The following SSR4 variants were observed in gnomAD, a reference collection of about 807,000 sequenced individuals.
SSR4 encodes the protein signal sequence receptor subunit 4.
For synonymous variants in SSR4, 84 were observed against 65.6 expected (o/e 1.28, Z -1.35); for missense variants, 125 against 148.8 (o/e 0.84, Z 0.83).
intron 2 of SSR4, chrX:153,797,231 G>C (rs1360997825): frequency 4.7e-6 from 2 of 426,870 alleles, no homozygotes; most frequent in Non-Finnish European, 8.2e-6. Context: ...TATGCGTCCA[G>C]TTAGGCCCGG....
At position 153,796,468 on chromosome X, in the gene SSR4, C is replaced by T. The variant is rs781973493; in HGVS notation, c.102C>T (p.Ser34=). The T allele has an allele frequency of 5.8e-6, 7 of 1,210,024 alleles. No homozygotes were observed. Among genetic ancestry groups the T allele is most frequent in the East Asian group, 5.9e-5 (2 of 33,807 alleles). ...EACLEPQITP[S]YYTTSDAVIS... The stretch of plus-strand genomic sequence containing the variant: ...GCCTGGAGCCCCAGATCACCCCTTC[C>T]TACTACACCACTTCTGACGCTGTCA... Residue 34 remains serine (S), a synonymous_variant, in exon 2 of 6, where the codon TCC becomes TCT. Transcript: ENST00000370086.
chrX:153,796,323 G>A, intron 1 of SSR4, 111 bp from the exon 2 acceptor site: 1 of 533,742 alleles, frequency 1.9e-6, no homozygotes, highest in Admixed American at 2.7e-5. Flanking sequence ...GGCAGGAAGA[G>A]CGCATGGGTC....
chrX:153,796,165 C>T (rs1489578579), intron 1 of SSR4: 78 of 364,275 alleles, frequency 2.1e-4, no homozygotes, highest in Admixed American at 1.2e-3. Flanking sequence ...GAATCCAGCC[C>T]CCACCTGTCC....
At chrX:153,796,109 C>T (rs782599925) in intron 1 of SSR4, 19 of 228,323 alleles carry the variant, frequency 8.3e-5, no homozygotes, top group Admixed American at 2.6e-4. Context: ...GCGTGGCCCC[C>T]GGGCCTCCGT....
At chrX:153,795,056 G>T (rs1294424912) in intron 1 of SSR4, 1 of 350,990 alleles carries the variant, frequency 2.8e-6, no homozygotes, top group Non-Finnish European at 5.0e-6. Flanking sequence ...CTGCGGGGTC[G>T]GACCGGAGCG....
intron 1 of SSR4, chrX:153,795,967 G>A (rs923389484): frequency 2.4e-5 from 11 of 451,493 alleles, no homozygotes; most frequent in African/African-American, 1.1e-4. Flanking sequence ...TCAACTGGCC[G>A]GGGGCAGAGA....
Position 153,796,531 on chromosome X carries a change from G to A in SSR4, c.165G>A (p.Leu55=), listed in dbSNP as rs1557072541. Residue 55 remains leucine, a synonymous_variant, in exon 2 of 6, where the codon CTG becomes CTA. Coordinates refer to ENST00000370086, the MANE Select transcript of SSR4 (RefSeq NM_006280.3). ...CCGTCTTCATTGTGGAGATCTCCCTGACATGCAAGAACAGGGTCCAGGTGA... is the reference window on the plus strand; with the variant it reads ...CCGTCTTCATTGTGGAGATCTCCCTAACATGCAAGAACAGGGTCCAGGTGA... ...TETVFIVEIS[L]TCKNRVQNMA... 2 of 1,207,298 alleles carry A rather than the reference G, an allele frequency of 1.7e-6. No individual in the cohort carries two copies. Among genetic ancestry groups the A allele is most frequent in the East Asian group, 3.0e-5 (1 of 33,824 alleles).
At chrX:153,797,130 G>A in intron 2 of SSR4, 1 of 295,973 alleles carries the variant, frequency 3.4e-6, no homozygotes, top group Admixed American at 5.1e-5. Context: ...AGCCCACTGG[G>A]CACCCCTGAC....
chrX:153,794,267 G>A (rs1557071328), upstream of SSR4: 3 of 1,200,160 alleles, frequency 2.5e-6, no homozygotes, highest in East Asian at 3.0e-5. Flanking sequence ...GGCAGAGAAG[G>A]GCTGGCCCGA....
At position 153,797,814 on chromosome X, in the gene SSR4, G is replaced by A. The variant is rs782623887; in HGVS notation, c.351G>A (p.Lys117=). 8.4e-7 allele frequency: 1 copy of A among 1,189,150 alleles called. No individual in the cohort carries two copies. Among genetic ancestry groups the A allele is most frequent in the South Asian group, 1.8e-5 (1 of 55,023 alleles). ...FDEESYSLLR[K]AQRNNEDISI... ...AGGAGTCCTACAGCCTCCTCAGGAA[G>A]GTGAGGACTCCTGTAGCCCACTGTG... The change falls in exon 4 of 6, where the codon AAG becomes AAA. Residue 117 remains lysine (K), a splice_region_variant and synonymous_variant. Transcript: ENST00000370086.
chrX:153,794,848 G>C, intron 1 of SSR4, 94 bp downstream of exon 1: 1 of 1,044,558 alleles, frequency 9.6e-7, no homozygotes, highest in Non-Finnish European at 1.3e-6. Flanking sequence ...GGCCTTTCAG[G>C]GTCCGTCGCT....
intron 4 of SSR4, 91 bp from the exon 5 acceptor site, chrX:153,797,980 C>T (rs1767405520): frequency 2.1e-6 from 2 of 973,940 alleles, no homozygotes; most frequent in Non-Finnish European, 2.9e-6. Flanking sequence ...GGGGCTTGGG[C>T]CGGTGTTCCT....
In SSR4 at chrX:153,798,073, T is replaced by C. The variant is rs1182663817; in HGVS notation, c.354T>C (p.Ala118=). 1 of 1,132,424 alleles carries C rather than the reference T, an allele frequency of 8.8e-7. No homozygotes were observed. The highest frequency in any genetic ancestry group is 1.2e-6 in the Non-Finnish European group (1 of 851,138). 93.3% of individuals were successfully genotyped at this position (1,132,424 alleles called of 1,213,427 possible). A position where few individuals can be genotyped will look rare whatever the true frequency, so the allele number is the denominator to read the frequency against. The change falls in exon 5 of 6, where the codon GCT becomes GCC. Residue 118 remains alanine (A), a splice_region_variant and synonymous_variant. Coordinates refer to ENST00000370086, the MANE Select transcript of SSR4 (RefSeq NM_006280.3). The part of the protein sequence containing the change: ...DEESYSLLRK[A]QRNNEDISII... The stretch of plus-strand genomic sequence containing the variant: ...CCTCCCTTGCACCTCCCTTGCAGGC[T>C]CAGAGGAATAACGAGGACATTTCCA...
chrX:153,797,698 C>G (rs1218274958), intron 3 of SSR4, 27 bp from the exon 4 acceptor site: 1 of 1,197,303 alleles, frequency 8.4e-7, no homozygotes, highest in Non-Finnish European at 1.1e-6. Context: ...TCCACTCTGC[C>G]CACACTCTGC....
intron 2 of SSR4, chrX:153,797,056 G>T: frequency 5.1e-6 from 1 of 195,069 alleles, no homozygotes; most frequent in Non-Finnish European, 9.5e-6. Flanking sequence ...GTTCCCATAA[G>T]TCCAAAGAAG....
At chrX:153,795,786 T>C (rs1200918378) in intron 1 of SSR4, 7 of 754,957 alleles carry the variant, frequency 9.3e-6, no homozygotes, top group Non-Finnish European at 1.1e-5. Context: ...TGGGGAGCCT[T>C]TGTTTCACAC....
At chrX:153,795,563 G>C (rs923338994) in intron 1 of SSR4, 10 of 534,068 alleles carry the variant, frequency 1.9e-5, no homozygotes, top group Non-Finnish European at 2.3e-5. Flanking sequence ...AAAACCCTTC[G>C]GGGGCTCCCC....
chrX:153,795,918 A>G, intron 1 of SSR4: 1 of 683,509 alleles, frequency 1.5e-6, no homozygotes, highest in African/African-American at 2.4e-5. Flanking sequence ...TCTCCCGTTT[A>G]CTTCTTCAGG....
intron 2 of SSR4, 187 bp downstream of exon 2, chrX:153,796,739 C>T: frequency 2.3e-6 from 1 of 439,618 alleles, no homozygotes; most frequent in Non-Finnish European, 4.0e-6. Context: ...GCTTTGTGTG[C>T]TGTGCCTACA....
Sources: allele counts gnomAD v4.1 joint callset, GRCh38; gene constraint gnomAD v4.1.1; transcripts MANE v1.5; gene names NCBI Gene and HGNC (gene_info 2026-07-23, HGNC 2026-07-21).